Variants in PLEKHA4 observed in about 807,000 individuals in gnomAD.
PLEKHA4 encodes the protein pleckstrin homology domain-containing family A member 4.
Under a neutral mutation model 94.7 loss-of-function variants are expected in PLEKHA4, and 73 were observed. The observed-to-expected ratio is 0.77, with a 90% CI of 0.64 to 0.94. The LOEUF (loss-of-function observed/expected upper bound fraction) is 0.94. Among genes scored for constraint, PLEKHA4 ranks in the 40% least tolerant of loss-of-function variants. The probability of loss-of-function intolerance (pLI) is 0.00; values close to 1 mark genes in which losing one functional copy is unlikely to be tolerated. For synonymous variants in PLEKHA4, 449 were observed against 437.1 expected (o/e 1.03, Z -0.34); for missense variants, 1,049 against 1,054.1 (o/e 1.00, Z 0.07).
At chr19:48,863,249 G>C (rs1036435586) in intron 3 of PLEKHA4, among the ~76,000 whole-genome samples, 4 of 152,002 alleles carry the variant, frequency 2.6e-5, no homozygotes, top group African/African-American at 9.7e-5. Context: ...ACTGTTTTTT[G>C]TTTGTTTGTT....
At chr19:48,849,242 G>A (rs2036091004) in intron 13 of PLEKHA4, among the ~76,000 whole-genome samples, 1 of 152,076 alleles carries the variant, frequency 6.6e-6, no homozygotes, top group East Asian at 1.9e-4. Context: ...TGTAGATCTA[G>A]TGGGAGCAGC....
rs1405342741 is a variant in PLEKHA4 at position 48,837,317 on chromosome 19, C to A, written c.2312G>T (p.Arg771Leu). 7 of 1,613,816 alleles carry A rather than the reference C, an allele frequency of 4.3e-6. No homozygotes were observed. Among genetic ancestry groups the A allele is most frequent in the Non-Finnish European group, 5.9e-6 (7 of 1,180,032 alleles). ...LPQDEGAWPL[R>L]VTLLQSSF The stretch of plus-strand genomic sequence containing the variant: ...GAAGCTGGATTGTAGCAGAGTGACT[C>A]GCAGAGGCCATGCCCCCTCGTCTTG... Residue 771 changes from arginine (R) to leucine (L), a missense_variant, in exon 20 of 20, where the codon CGA (arginine) becomes CTA (leucine). Physicochemically the swap from Arg to Leu is moderately radical, Grantham distance 102. Coordinates refer to ENST00000263265, the MANE Select transcript of PLEKHA4 (RefSeq NM_020904.3). The surrounding 1 kb of genome is among the most constrained non-coding windows in gnomAD (Gnocchi z 4.3).
chr19:48,848,404 T>G (rs1385782436), intron 13 of PLEKHA4, among the ~76,000 whole-genome samples: 1 of 147,498 alleles, frequency 6.8e-6, no homozygotes, highest in Non-Finnish European at 1.5e-5. Context: ...GAGAATGGCG[T>G]GAACCCGGGA....
chr19:48,851,202 G>A (rs1214220071), intron 13 of PLEKHA4, among the ~76,000 whole-genome samples: 2 of 152,174 alleles, frequency 1.3e-5, no homozygotes, highest in Non-Finnish European at 2.9e-5. Context: ...ATAAATGCTT[G>A]AGGGGATGGA....
chr19:48,841,059 G>A (rs1411630462), intron 17 of PLEKHA4, 90 bp downstream of exon 17: 1 of 1,280,794 alleles, frequency 7.8e-7, no homozygotes, highest in Non-Finnish European at 1.1e-6. Context: ...AGGAGGTAGT[G>A]ATTATCTCCA....
rs1313210491 is a variant in PLEKHA4, at chr19:48,841,269, C to T, written c.1785G>A (p.Leu595=). The change falls in exon 17 of 20, where the codon CTG becomes CTA. Residue 595 remains leucine (L), a synonymous_variant. Coordinates refer to ENST00000263265, the MANE Select transcript of PLEKHA4 (RefSeq NM_020904.3). ...ATTCCTGGTTTCTGCGCATCCGCTC[C>T]AGCTGCTCCTGGGCACTCATCCGGG... ...ARPRMSAQEQ[L]ERMRRNQECG... is the part of the protein sequence containing the mutation. The T allele has an allele frequency of 6.2e-7, 1 of 1,613,436 alleles. No homozygotes were observed.
intron 18 of PLEKHA4, chr19:48,838,402 A>C: frequency 4.7e-6 from 1 of 214,496 alleles, no homozygotes; most frequent in South Asian, 1.5e-4. Context: ...GTATCAAAAC[A>C]TCTCAATTAT....
Position 48,852,247 on chromosome 19 carries a change from A to G in PLEKHA4, c.1406T>C (p.Leu469Pro). The G allele has an allele frequency of 6.2e-7, 1 of 1,613,978 alleles. No individual in the cohort carries two copies. The highest frequency in any genetic ancestry group is 8.5e-7 in the Non-Finnish European group (1 of 1,179,916). Residue 469 changes from leucine (L) to proline (P), a missense_variant, in exon 13 of 20, where the codon CTG becomes CCG. By Grantham distance (98) the Leu-to-Pro change is moderately conservative. Coordinates refer to ENST00000263265, the MANE Select transcript of PLEKHA4 (RefSeq NM_020904.3). Reference sequence around the variant, plus strand: ...ATTTACCTGGGGAGAACCAAGGTGCAGCAGGTACTCCAGCGTCTCTCTTAA... The same window carrying G: ...ATTTACCTGGGGAGAACCAAGGTGCGGCAGGTACTCCAGCGTCTCTCTTAA... Reference protein sequence around the residue: ...GTLRETLEYLLHLGSPQDRVS... With the variant: ...GTLRETLEYLPHLGSPQDRVS...
At chr19:48,866,000 T>C (rs57637029) in intron 2 of PLEKHA4, among the ~76,000 whole-genome samples, 1 of 144,450 alleles carries the variant, frequency 6.9e-6, no homozygotes, top group East Asian at 2.0e-4. Context: ...GGAGACAGAG[T>C]GAGACTCCGT....
chr19:48,863,295 C>T (rs2036711610), intron 3 of PLEKHA4, among the ~76,000 whole-genome samples: 1 of 152,168 alleles, frequency 6.6e-6, no homozygotes, highest in South Asian at 2.1e-4. Context: ...GCTCTGTCAC[C>T]CAGGCTGGAG....
chr19:48,839,220 G>A lies in PLEKHA4; in HGVS notation c.1949C>T (p.Ser650Phe), dbSNP rs755197018. ...HSGAQKWLRS[S>F]GSWSSPRNTT... ...AGTTCCTTACCTACTCCAGGACCCAGAGCTTCTGAGCCATTTCTGGGCTCC... is the reference window on the plus strand; with the variant it reads ...AGTTCCTTACCTACTCCAGGACCCAAAGCTTCTGAGCCATTTCTGGGCTCC... Residue 650 changes from serine (S) to phenylalanine (F), a missense_variant, in exon 18 of 20, where the codon TCT (serine) becomes TTT (phenylalanine). Transcript: ENST00000263265. 2.5e-6 allele frequency: 4 copies of A among 1,597,528 alleles called. No individual in the cohort carries two copies. In the African/African-American group the frequency reaches 5.4e-5, roughly 21 times the overall value.
intron 13 of PLEKHA4, among the ~76,000 whole-genome samples, chr19:48,850,970 C>A (rs966515947): frequency 6.6e-6 from 1 of 151,026 alleles, no homozygotes; most frequent in Non-Finnish European, 1.5e-5. Flanking sequence ...TGAAACCCCC[C>A]TCTCTACCGA....
chr19:48,852,400 C>T, intron 12 of PLEKHA4, 74 bp from the exon 13 acceptor site: 1 of 1,188,696 alleles, frequency 8.4e-7, no homozygotes, highest in Non-Finnish European at 1.3e-6. Context: ...CATCATTTGT[C>T]AGCTAAGGAG....
chr19:48,842,181 G>C (rs1389841029), intron 16 of PLEKHA4, among the ~76,000 whole-genome samples: 2 of 110,998 alleles, frequency 1.8e-5, no homozygotes, highest in South Asian at 5.6e-4. Flanking sequence ...GTCTCGCTTT[G>C]TCACCTAGGC....
Position 48,847,945 on chromosome 19 carries a change from G to A in PLEKHA4, c.1521C>T (p.Asp507=). 2 of 1,607,422 alleles carry A rather than the reference G, an allele frequency of 1.2e-6. No homozygotes were observed. Among genetic ancestry groups the A allele is most frequent in the Non-Finnish European group, 1.7e-6 (2 of 1,177,010 alleles). ...CGCCCTGGAGCACGGGAGATGGGGA[G>A]TCAGGCTCAGTGTGTGGGGGCGGTT... is the stretch of plus-strand genomic sequence containing the variant. The part of the protein sequence containing the change: ...PQKPPPHTEP[D]SPSPVLQGEE... The change falls in exon 14 of 20, where the codon GAC becomes GAT. Residue 507 remains aspartate, a synonymous_variant. Coordinates refer to ENST00000263265, the MANE Select transcript of PLEKHA4 (RefSeq NM_020904.3).
At chr19:48,860,170 G>A in intron 6 of PLEKHA4, 180 bp downstream of exon 6, 1 of 605,002 alleles carries the variant, frequency 1.7e-6, no homozygotes, top group Non-Finnish European at 2.9e-6. Context: ...GGAACTTAAG[G>A]GAGAAAGACT....
In PLEKHA4 at chr19:48,858,924, G is replaced by A; in HGVS notation, c.908C>T (p.Ser303Phe). 2 of 1,604,366 alleles carry A rather than the reference G, an allele frequency of 1.2e-6. No individual in the cohort carries two copies. The highest frequency in any genetic ancestry group is 1.7e-6 in the Non-Finnish European group (2 of 1,177,208). ...RPPTPRRGPP[S>F]EAGGGKPPRS... ...GGGGGGCTTTCCTCCCCCAGCCTCA[G>A]AGGGAGGTCCTCGGCGGGGAGTAGG... The change falls in exon 8 of 20, where the codon TCT (serine) becomes TTT (phenylalanine). Residue 303 changes from serine to phenylalanine, a missense_variant. By Grantham distance (155) the Ser-to-Phe change is radical. Transcript: ENST00000263265.
intron 5 of PLEKHA4, 37 bp from the exon 6 acceptor site, chr19:48,860,496 G>T: frequency 6.5e-7 from 1 of 1,545,998 alleles, no homozygotes; most frequent in Non-Finnish European, 8.9e-7. Context: ...GGACTCCCGG[G>T]CCTTGTAAAA....
chr19:48,842,374 C>T (rs989585490), intron 16 of PLEKHA4, among the ~76,000 whole-genome samples: 1 of 152,014 alleles, frequency 6.6e-6, no homozygotes, highest in Non-Finnish European at 1.5e-5. Context: ...TGGTCTTGAA[C>T]TCCTGATCTC....
Sources: allele counts gnomAD v4.1 joint callset (sites outside exome capture counted in the v4.1 genomes callset), GRCh38; gene constraint gnomAD v4.1.1; non-coding constraint Gnocchi (gnomAD v3.1); transcripts MANE v1.5; gene names NCBI Gene and HGNC (gene_info 2026-07-23, HGNC 2026-07-21).